KCNH8: variants seen among roughly 807,000 people sequenced by gnomAD.
KCNH8 encodes the protein potassium voltage-gated channel subfamily H member 8.
Under a neutral mutation model 103.6 loss-of-function variants are expected in KCNH8, and 70 were observed. The observed-to-expected ratio is 0.68, with a 90% CI of 0.56 to 0.82. The LOEUF (loss-of-function observed/expected upper bound fraction) is 0.82. Among genes scored for constraint, KCNH8 ranks in the 40% least tolerant of loss-of-function variants. KCNH8 has a pLI of 0.00. For missense variants in KCNH8, 1,217 were observed against 1,329.9 expected (o/e 0.92, Z 1.32); for synonymous variants, 498 against 489.4 (o/e 1.02, Z -0.23).
At chr3:19,156,476 G>T (rs547457129) in intron 1 of KCNH8, among the ~76,000 whole-genome samples, 7 of 152,102 alleles carry the variant, frequency 4.6e-5, no homozygotes, top group Non-Finnish European at 8.8e-5. Context: ...TTTATATGCT[G>T]TTTGTTCCCC....
chr3:19,216,902 C>T (rs1015891365), intron 1 of KCNH8, among the ~76,000 whole-genome samples: 1 of 152,170 alleles, frequency 6.6e-6, no homozygotes, highest in East Asian at 1.9e-4. Context: ...GAGGAAGGAG[C>T]CAGGGATCTC....
At position 19,504,573 on chromosome 3, in the gene KCNH8, T is replaced by A. The variant is rs2068654499; in HGVS notation, c.2041-5790T>A. Among the ~76,000 whole-genome samples the A allele has an allele frequency of 2.0e-5, 3 of 152,128 alleles. No individual in the cohort carries two copies. In the South Asian group the frequency reaches 6.2e-4, roughly 31 times the overall value. On this transcript the variant is annotated intron_variant, in intron 11 of 15. Coordinates refer to ENST00000328405, the MANE Select transcript of KCNH8 (RefSeq NM_144633.3). ...GACCTACAAGTGGCCAACAGTCATA[T>A]GAAAAAAAGCTCAATATCACTGATC...
At chr3:19,244,297 A>G (rs1239567476) in intron 1 of KCNH8, among the ~76,000 whole-genome samples, 1 of 152,196 alleles carries the variant, frequency 6.6e-6, no homozygotes, top group Non-Finnish European at 1.5e-5. Context: ...AAGCTTTGCA[A>G]AGGCAGGAGA....
chr3:19,222,158 A>T (rs1043328477), intron 1 of KCNH8, among the ~76,000 whole-genome samples: 1 of 152,158 alleles, frequency 6.6e-6, no homozygotes, highest in South Asian at 2.1e-4. Flanking sequence ...CTAGCATCCT[A>T]TATTTATAGA....
chr3:19,260,379 C>A (rs755990020), intron 2 of KCNH8, among the ~76,000 whole-genome samples: 18 of 149,772 alleles, frequency 1.2e-4, no homozygotes, highest in Non-Finnish European at 2.7e-4. Context: ...TTCTTCATGA[C>A]CTTCCTCTTT....
chr3:19,185,390 T>G (rs75988257), intron 1 of KCNH8, among the ~76,000 whole-genome samples: 2,983 of 152,036 alleles, frequency 0.02, 95 homozygotes, highest in African/African-American at 0.066. Flanking sequence ...TGAACACTTT[T>G]CATGTTCTTA....
intron 5 of KCNH8, among the ~76,000 whole-genome samples, chr3:19,369,902 C>T (rs1253711510): frequency 6.6e-6 from 1 of 152,022 alleles, no homozygotes; most frequent in African/African-American, 2.4e-5. Flanking sequence ...TAGACTACTA[C>T]AATCCTTGAC....
At chr3:19,461,419 T>C (rs1172711572) in intron 11 of KCNH8, among the ~76,000 whole-genome samples, 1 of 152,132 alleles carries the variant, frequency 6.6e-6, no homozygotes, top group African/African-American at 2.4e-5. Context: ...GATGATTACA[T>C]TATGGATTCC....
At chr3:19,216,536 C>A (rs1009185282) in intron 1 of KCNH8, among the ~76,000 whole-genome samples, 16 of 152,240 alleles carry the variant, frequency 1.1e-4, no homozygotes, top group Admixed American at 1.0e-3. Flanking sequence ...GGATTTTAAC[C>A]TCAGGAAAAT....
At chr3:19,528,109 A>G (rs189502355) in intron 15 of KCNH8, among the ~76,000 whole-genome samples, 1 of 152,120 alleles carries the variant, frequency 6.6e-6, no homozygotes, top group Admixed American at 6.6e-5. Flanking sequence ...GAAGAAAAAA[A>G]GAGGAAGAGG....
chr3:19,340,235 CA>C (rs1427688357), intron 3 of KCNH8, among the ~76,000 whole-genome samples: 2 of 151,808 alleles, frequency 1.3e-5, no homozygotes, highest in African/African-American at 2.4e-5. Flanking sequence ...GGGGAGATAT[CA>C]AAGAGCTTTT....
intron 7 of KCNH8, among the ~76,000 whole-genome samples, chr3:19,407,257 G>A (rs2066706215): frequency 6.6e-6 from 1 of 152,094 alleles, no homozygotes; most frequent in African/African-American, 2.4e-5. Context: ...TCTAAGTGTA[G>A]TTTTTTTCTT....
chr3:19,463,672 GC>G (rs1340628834), intron 11 of KCNH8, among the ~76,000 whole-genome samples: 2 of 152,054 alleles, frequency 1.3e-5, no homozygotes, highest in African/African-American at 4.8e-5. Context: ...TATCCATTTT[GC>G]AGAAAAATAT....
At chr3:19,209,557 AT>A (rs2125224015) in intron 1 of KCNH8, among the ~76,000 whole-genome samples, 1 of 152,228 alleles carries the variant, frequency 6.6e-6, no homozygotes, top group South Asian at 2.1e-4. Context: ...ATTGTAAAGC[AT>A]TCAAACCAGT....
At chr3:19,497,420 T>A (rs2068466865) in intron 11 of KCNH8, among the ~76,000 whole-genome samples, 1 of 152,214 alleles carries the variant, frequency 6.6e-6, no homozygotes, top group Non-Finnish European at 1.5e-5. Flanking sequence ...CTTAGCTGTG[T>A]CCCAAAGATT....
chr3:19,280,926 T>C lies in KCNH8; in HGVS notation c.311-272T>C, dbSNP rs561723537. ...CAACGAGTTCAAAGAGGAAATGCAG[T>C]TTGAATAATGTAAGCAGAAATGTCT... On this transcript the variant is annotated intron_variant, in intron 2 of 15. Coordinates refer to ENST00000328405, the MANE Select transcript of KCNH8 (RefSeq NM_144633.3). Among the ~76,000 whole-genome samples, 154 of 152,142 alleles carry C rather than the reference T, an allele frequency of 1.0e-3. 1 individual carries two copies. Among genetic ancestry groups the C allele is most frequent in the African/African-American group, 3.1e-3 (127 of 41,528 alleles).
intron 5 of KCNH8, among the ~76,000 whole-genome samples, chr3:19,388,165 A>G (rs1209183185): frequency 6.6e-6 from 1 of 152,072 alleles, no homozygotes; most frequent in African/African-American, 2.4e-5. Context: ...ATCCCCTTTA[A>G]TTTTATAAAG....
intron 5 of KCNH8, among the ~76,000 whole-genome samples, chr3:19,375,839 C>T (rs986531515): frequency 6.6e-6 from 1 of 152,140 alleles, no homozygotes; most frequent in African/African-American, 2.4e-5. Flanking sequence ...GGGCCCTCAG[C>T]TGCAGGTCTG....
chr3:19,172,243 A>AG (rs1196569683), intron 1 of KCNH8, among the ~76,000 whole-genome samples: 1 of 152,062 alleles, frequency 6.6e-6, no homozygotes, highest in African/African-American at 2.4e-5. Flanking sequence ...TCAGAGAAAG[A>AG]GGGGGGCCTT....
Sources: gnomAD v4.1 joint callset for allele counts (sites outside exome capture counted in the v4.1 genomes callset) on GRCh38, gnomAD v4.1.1 for gene constraint, MANE v1.5 for transcripts, NCBI Gene and HGNC (gene_info 2026-07-23, HGNC 2026-07-21) for gene names.